CNTN5: variants seen among roughly 807,000 people sequenced by gnomAD.
The protein encoded by CNTN5 is contactin-5.
A neutral mutation model predicts 129.1 loss-of-function variants in CNTN5; 77 were observed. The ratio of observed to expected loss-of-function variants is 0.60; its 90% CI spans 0.50 to 0.72. The LOEUF (loss-of-function observed/expected upper bound fraction) is 0.72. CNTN5 is among the 30% of genes least tolerant of loss of function. CNTN5 has a pLI of 0.00. For missense variants in CNTN5, 1,478 were observed against 1,328.8 expected (o/e 1.11, Z -1.75); for synonymous variants, 509 against 465.6 (o/e 1.09, Z -1.20).
chr11:99,834,158 T>C (rs1230114326), intron 4 of CNTN5, among the ~76,000 whole-genome samples: 2 of 152,198 alleles, frequency 1.3e-5, no homozygotes, highest in African/African-American at 2.4e-5. Flanking sequence ...GTTCAGAACT[T>C]AACCAGAGGT....
chr11:99,074,346 A>C (rs1865473341), intron 1 of CNTN5, among the ~76,000 whole-genome samples: 1 of 152,116 alleles, frequency 6.6e-6, no homozygotes, highest in African/African-American at 2.4e-5. Context: ...CTCTGATGAT[A>C]GTTTCCTTTG....
intron 3 of CNTN5, among the ~76,000 whole-genome samples, chr11:99,692,730 T>C (rs1204049615): frequency 6.6e-6 from 1 of 152,136 alleles, no homozygotes; most frequent in Non-Finnish European, 1.5e-5. Context: ...AACATTTTTT[T>C]CATAATTCAC....
chr11:99,398,016 T>TTTTGATTTTTAA (rs1941615460), intron 2 of CNTN5, among the ~76,000 whole-genome samples: 1 of 151,796 alleles, frequency 6.6e-6, no homozygotes, highest in African/African-American at 2.4e-5. Flanking sequence ...CATACTGATG[T>TTTTGATTTTTAA]CTCCCAGTCT....
At chr11:99,314,060 G>A (rs1464402340) in intron 1 of CNTN5, among the ~76,000 whole-genome samples, 1 of 151,946 alleles carries the variant, frequency 6.6e-6, no homozygotes, top group Non-Finnish European at 1.5e-5. Flanking sequence ...GGTAAAAGGT[G>A]ACATGTGAAG....
At chr11:99,765,837 G>C (rs1279029774) in intron 3 of CNTN5, among the ~76,000 whole-genome samples, 3 of 151,784 alleles carry the variant, frequency 2.0e-5, no homozygotes, top group African/African-American at 7.3e-5. Context: ...TAGTCAATTA[G>C]ATATGAAGAA....
intron 13 of CNTN5, among the ~76,000 whole-genome samples, chr11:100,107,708 A>G (rs768767823): frequency 5.3e-5 from 8 of 152,086 alleles, no homozygotes; most frequent in Non-Finnish European, 1.2e-4. Flanking sequence ...CCACAAATTC[A>G]TCAATCAATA....
At chr11:100,004,857 G>A (rs575341960) in intron 9 of CNTN5, among the ~76,000 whole-genome samples, 2 of 152,292 alleles carry the variant, frequency 1.3e-5, no homozygotes, top group South Asian at 4.1e-4. Context: ...CACAGCTGAA[G>A]AAAGGATTAG....
chr11:99,577,778 T>C (rs1239044355), intron 3 of CNTN5, among the ~76,000 whole-genome samples: 1 of 151,874 alleles, frequency 6.6e-6, no homozygotes, highest in Non-Finnish European at 1.5e-5. Context: ...GATTCTGCAT[T>C]TGTGCAGATC....
intron 8 of CNTN5, among the ~76,000 whole-genome samples, chr11:99,958,811 AT>A (rs1950868094): frequency 6.6e-6 from 1 of 152,166 alleles, no homozygotes; most frequent in South Asian, 2.1e-4. Flanking sequence ...TTGGCTAACA[AT>A]TAATTCCATT....
intron 1 of CNTN5, among the ~76,000 whole-genome samples, chr11:99,250,453 A>T (rs1023466238): frequency 6.6e-6 from 1 of 151,974 alleles, no homozygotes; most frequent in Non-Finnish European, 1.5e-5. Context: ...ATAAATTTAA[A>T]ATATCATTGG....
intron 13 of CNTN5, among the ~76,000 whole-genome samples, chr11:100,131,962 G>A (rs1297330514): frequency 6.6e-6 from 1 of 151,968 alleles, no homozygotes; most frequent in South Asian, 2.1e-4. Flanking sequence ...AAGGTAGGGC[G>A]GGGGCATCCA....
intron 13 of CNTN5, among the ~76,000 whole-genome samples, chr11:100,149,903 AAAAAG>A (rs1555022275): frequency 5.3e-5 from 8 of 150,172 alleles, no homozygotes; most frequent in Non-Finnish European, 7.4e-5. Context: ...CAAAAAAAAA[AAAAAG>A]AAAAGAAAAG....
At chr11:99,565,363 G>A (rs1948969128) in intron 3 of CNTN5, among the ~76,000 whole-genome samples, 1 of 152,142 alleles carries the variant, frequency 6.6e-6, no homozygotes, top group South Asian at 2.1e-4. Context: ...AACTAGCAGA[G>A]AAGAGAAAAA....
chr11:99,289,300 C>A (rs1864073302), intron 1 of CNTN5, among the ~76,000 whole-genome samples: 1 of 151,674 alleles, frequency 6.6e-6, no homozygotes, highest in African/African-American at 2.4e-5. Context: ...TAAATAGTCA[C>A]AAAACATATT....
At chr11:99,390,127 A>G (rs1427775978) in intron 2 of CNTN5, among the ~76,000 whole-genome samples, 1 of 112,750 alleles carries the variant, frequency 8.9e-6, no homozygotes, top group Non-Finnish European at 1.9e-5. Context: ...AAAATAAAAT[A>G]AGCCTTTTTT....
chr11:100,342,085 T>A (rs1462223499), intron 23 of CNTN5, among the ~76,000 whole-genome samples: 2 of 151,824 alleles, frequency 1.3e-5, no homozygotes, highest in African/African-American at 4.8e-5. Flanking sequence ...TGGAATATTT[T>A]AATTTCCATT....
chr11:99,623,801 G>C (rs1465271328), intron 3 of CNTN5, among the ~76,000 whole-genome samples: 3 of 150,902 alleles, frequency 2.0e-5, no homozygotes, highest in African/African-American at 7.3e-5. Context: ...TATTTGTACT[G>C]ATATATACTA....
chr11:99,591,811 G>A (rs1201803485), intron 3 of CNTN5, among the ~76,000 whole-genome samples: 1 of 152,100 alleles, frequency 6.6e-6, no homozygotes. Context: ...AATATACAGT[G>A]CCAAACATTT....
chr11:99,652,781 A>G (rs1435800388), intron 3 of CNTN5, among the ~76,000 whole-genome samples: 1 of 152,060 alleles, frequency 6.6e-6, no homozygotes, highest in Admixed American at 6.6e-5. Flanking sequence ...TGTGTTATTA[A>G]ACAACTCACT....
Sources: gnomAD v4.1 joint callset for allele counts (sites outside exome capture counted in the v4.1 genomes callset) on GRCh38, gnomAD v4.1.1 for gene constraint, MANE v1.5 for transcripts, NCBI Gene and HGNC (gene_info 2026-07-23, HGNC 2026-07-21) for gene names.